The following HDGFL2 variants were observed in gnomAD, a reference collection of about 807,000 sequenced individuals.
HDGFL2 encodes the protein HDGF like 2.
In HDGFL2, 36 loss-of-function variants were observed where a neutral mutation model predicts 77.1. That is an observed-to-expected ratio of 0.47 (90% CI 0.36 to 0.62). The LOEUF (loss-of-function observed/expected upper bound fraction) is 0.62, where lower values mean the gene tolerates loss of function less well. HDGFL2 is among the 20% of genes least tolerant of loss of function. HDGFL2 has a pLI of 0.00. For synonymous variants in HDGFL2, 463 were observed against 413.1 expected (o/e 1.12, Z -1.46); for missense variants, 976 against 973.4 (o/e 1.00, Z -0.04).
At chr19:4,472,756 T>C (rs1024346425) in intron 1 of HDGFL2, among the ~76,000 whole-genome samples, 3 of 141,140 alleles carry the variant, frequency 2.1e-5, no homozygotes, top group Middle Eastern at 3.6e-3. Context: ...CGCGTTCTTG[T>C]GGTCTGGTGG....
chr19:4,502,054 C>T lies in HDGFL2; in HGVS notation c.*44C>T, dbSNP rs751788631. On this transcript the variant is annotated 3_prime_UTR_variant, in exon 16 of 16. Transcript: ENST00000616600. The stretch of plus-strand genomic sequence containing the variant: ...CAGCCCCCGCCCGAGCTCAGGCTGC[C>T]CCTCTCCTTCCCCGGCTCGCAGGAG... 3.0e-6 allele frequency: 4 copies of T among 1,332,604 alleles called. No homozygotes were observed. Among genetic ancestry groups the T allele is most frequent in the South Asian group, 1.3e-5 (1 of 79,858 alleles). 82.5% of individuals were successfully genotyped at this position (1,332,604 alleles called of 1,614,324 possible).
intron 15 of HDGFL2, chr19:4,501,615 C>T (rs552629754): frequency 1.6e-4 from 76 of 467,686 alleles, no homozygotes; most frequent in South Asian, 8.1e-4. Flanking sequence ...GCACGGGCAC[C>T]CGGCTATCTG....
intron 3 of HDGFL2, among the ~76,000 whole-genome samples, chr19:4,487,734 C>CA (rs1262550717): frequency 6.6e-6 from 1 of 152,222 alleles, no homozygotes; most frequent in Non-Finnish European, 1.5e-5. Context: ...CAGTGCCCGA[C>CA]ACTCATGACT....
rs374828720 is a variant in HDGFL2, at chr19:4,477,889, G to C, written c.288+2306G>C. ...GAAGTCAGGAGTTCAAGACCAGCTT[G>C]GCCAAGATGGTGAAACCCAGTATCT... On this transcript the variant is annotated intron_variant, in intron 3 of 15. Transcript: ENST00000616600. Among the ~76,000 whole-genome samples the C allele has an allele frequency of 2.8e-4, 42 of 152,144 alleles. No homozygotes were observed. In the South Asian group the frequency reaches 5.0e-3, roughly 18 times the overall value.
Position 4,493,786 on chromosome 19 carries a change from G to A in HDGFL2, c.762G>A (p.Ala254=), listed in dbSNP as rs1322171791. Residue 254 remains alanine, a synonymous_variant, in exon 7 of 16, where the codon GCG becomes GCA. Transcript: ENST00000616600. ...KPEPVAMARS[A]SSSSSSSSSS... is the part of the protein sequence containing the mutation. ...AGCCGGTGGCCATGGCGCGGTCGGC[G>A]TCCTCCTCCTCCTCTTCCTCCTCCT... 6.5e-7 allele frequency: 1 copy of A among 1,544,006 alleles called. No individual in the cohort carries two copies. Among genetic ancestry groups the A allele is most frequent in the Non-Finnish European group, 8.8e-7 (1 of 1,141,834 alleles).
At chr19:4,484,487 T>G (rs146683394) in intron 3 of HDGFL2, among the ~76,000 whole-genome samples, 28 of 124,212 alleles carry the variant, frequency 2.3e-4, no homozygotes, top group East Asian at 1.2e-3. Context: ...GTACCATTCT[T>G]GCTAATTCCA....
chr19:4,498,262 G>A (rs1336139649), intron 11 of HDGFL2, 44 bp from the exon 12 acceptor site: 1 of 1,552,186 alleles, frequency 6.4e-7, no homozygotes, highest in South Asian at 1.1e-5. Context: ...CTGGCCCCCT[G>A]TGGCCCTGCC....
chr19:4,490,483 T>C (rs1359561587), intron 4 of HDGFL2, among the ~76,000 whole-genome samples: 1 of 152,202 alleles, frequency 6.6e-6, no homozygotes, highest in African/African-American at 2.4e-5. Context: ...GTTTCCACTT[T>C]TGGGCCATTC....
At chr19:4,495,417 C>T (rs951693932) in intron 9 of HDGFL2, among the ~76,000 whole-genome samples, 4 of 138,210 alleles carry the variant, frequency 2.9e-5, no homozygotes, top group East Asian at 2.1e-4. Context: ...AAATAGGCTC[C>T]GAATGAAGGG....
At position 4,502,116 on chromosome 19, in the gene HDGFL2, T is replaced by G. The variant is rs1330416219; in HGVS notation, c.*106T>G. On this transcript the variant is annotated 3_prime_UTR_variant, in exon 16 of 16. Coordinates refer to ENST00000616600, the MANE Select transcript of HDGFL2 (RefSeq NM_001001520.3). ...GAACTGTGGGGAACGCTGTGCTGTT[T>G]GTATTTGTTCCCTTGGGTTTTTTTT... 2.4e-6 allele frequency: 2 copies of G among 832,894 alleles called. No individual in the cohort carries two copies. The highest frequency in any genetic ancestry group is 3.9e-6 in the Non-Finnish European group (2 of 506,602). 51.6% of individuals were successfully genotyped at this position (832,894 alleles called of 1,614,324 possible). A position where few individuals can be genotyped will look rare whatever the true frequency, so the allele number is the denominator to read the frequency against.
chr19:4,475,258 C>G lies in HDGFL2; in HGVS notation c.73-17C>G, dbSNP rs749223173. The G allele has an allele frequency of 6.2e-7, 1 of 1,612,722 alleles. No homozygotes were observed. Among genetic ancestry groups the G allele is most frequent in the Non-Finnish European group, 8.5e-7 (1 of 1,178,764 alleles). ...GTCAGTGGGTAAAGCCACCCCCTCA[C>G]TGGCCTCTCACTGCAGATCGACGAC... On this transcript the variant is annotated splice_polypyrimidine_tract_variant and intron_variant, in intron 1 of 15. Coordinates refer to ENST00000616600, the MANE Select transcript of HDGFL2 (RefSeq NM_001001520.3).
At position 4,472,435 on chromosome 19, in the gene HDGFL2, G is replaced by A; in HGVS notation, c.72+13G>A. On this transcript the variant is annotated intron_variant, in intron 1 of 15. Coordinates refer to ENST00000616600, the MANE Select transcript of HDGFL2 (RefSeq NM_001001520.3). ...CTGGCCTGCCAGGGTGAGGCCGCGC[G>A]GGAGATGGGGCCGGTGGGGGGGGGG... 7.8e-7 allele frequency: 1 copy of A among 1,277,376 alleles called. No individual in the cohort carries two copies. The highest frequency in any genetic ancestry group is 1.0e-6 in the Non-Finnish European group (1 of 963,780). The allele number at this position is 1,277,376 out of a possible 1,614,324, so 79.1% of individuals were successfully genotyped here. A position where few individuals can be genotyped will look rare whatever the true frequency, so the allele number is the denominator to read the frequency against.
chr19:4,498,605 C>T (rs1201179739), intron 12 of HDGFL2, among the ~76,000 whole-genome samples: 1 of 152,080 alleles, frequency 6.6e-6, no homozygotes, highest in Non-Finnish European at 1.5e-5. Flanking sequence ...GTGGAGGCCC[C>T]CAGGACCAAC....
intron 3 of HDGFL2, among the ~76,000 whole-genome samples, chr19:4,483,598 A>G (rs1054093593): frequency 5.9e-5 from 9 of 151,746 alleles, no homozygotes; most frequent in Admixed American, 5.9e-4. Context: ...CCGGTCACAA[A>G]CGTGGGCCTT....
At chr19:4,490,326 C>G (rs904234667) in intron 4 of HDGFL2, among the ~76,000 whole-genome samples, 1 of 152,202 alleles carries the variant, frequency 6.6e-6, no homozygotes, top group Non-Finnish European at 1.5e-5. Flanking sequence ...ACCTCCTGAT[C>G]AGCCTGCCTC....
In HDGFL2 at chr19:4,499,654, T is replaced by C. The variant is rs1349913096; in HGVS notation, c.1739T>C (p.Leu580Pro). 11 of 1,504,934 alleles carry C rather than the reference T, an allele frequency of 7.3e-6. No individual in the cohort carries two copies. Among genetic ancestry groups the C allele is most frequent in the Non-Finnish European group, 9.8e-6 (11 of 1,120,428 alleles). 93.2% of individuals were successfully genotyped at this position (1,504,934 alleles called of 1,614,324 possible). ...KAEEKLAGEE[L>P]AGEEAPQEKA... Reference sequence around the variant, plus strand: ...GAGGAGAAGCTGGCCGGGGAGGAGCTGGCCGGGGAGGAGGCCCCCCAGGAG... The same window carrying C: ...GAGGAGAAGCTGGCCGGGGAGGAGCCGGCCGGGGAGGAGGCCCCCCAGGAG... Residue 580 changes from leucine to proline, a missense_variant, in exon 14 of 16, where the codon CTG becomes CCG. Transcript: ENST00000616600.
chr19:4,496,385 C>T lies in HDGFL2; in HGVS notation c.1308C>T (p.Pro436=), dbSNP rs761888486. Residue 436 remains proline (P), a synonymous_variant, in exon 10 of 16, where the codon CCC becomes CCT. Transcript: ENST00000616600. ...KPGQKEKRVR[P]EEKQQAKPVK... ...GCCAGAAGGAGAAGAGAGTGCGGCC[C>T]GAGGAGAAGCAACAAGCCAAGTGAG... The T allele has an allele frequency of 7.4e-6, 12 of 1,613,752 alleles. No homozygotes were observed. The highest frequency in any genetic ancestry group is 5.0e-5 in the Admixed American group (3 of 60,002).
At position 4,478,002 on chromosome 19, in the gene HDGFL2, C is replaced by T. The variant is rs761643690; in HGVS notation, c.288+2419C>T. ...GGCTGAGGCAGGAGAATTGCTTCAA[C>T]GCGGGAGGGAGAAGTTGCAGTGAGC... On this transcript the variant is annotated intron_variant, in intron 3 of 15. Coordinates refer to ENST00000616600, the MANE Select transcript of HDGFL2 (RefSeq NM_001001520.3). Among the ~76,000 whole-genome samples the T allele has an allele frequency of 1.7e-4, 26 of 149,212 alleles. 1 individual carries two copies. The highest frequency in any genetic ancestry group is 1.5e-3 in the Admixed American group (22 of 14,762).
At chr19:4,476,071 T>A (rs951161807) in intron 3 of HDGFL2, among the ~76,000 whole-genome samples, 11 of 150,720 alleles carry the variant, frequency 7.3e-5, no homozygotes, top group Admixed American at 2.6e-4. Context: ...TTTGTATTTT[T>A]AATAGAGACA....
Sources: allele counts gnomAD v4.1 joint callset (sites outside exome capture counted in the v4.1 genomes callset), GRCh38; gene constraint gnomAD v4.1.1; transcripts MANE v1.5; gene names NCBI Gene and HGNC (gene_info 2026-07-23, HGNC 2026-07-21).